The following GALNT17 variants were observed in gnomAD, a reference collection of about 807,000 sequenced individuals.
GALNT17 encodes polypeptide N-acetylgalactosaminyltransferase 17, also known as UDP-GalNAc:polypeptide N-acetylgalactosaminyltransferase-like 3.
In GALNT17, 29 loss-of-function variants were observed where a neutral mutation model predicts 63.7. The ratio of observed to expected loss-of-function variants is 0.46; its 90% CI spans 0.34 to 0.62. The LOEUF is 0.62. Among genes scored for constraint, GALNT17 ranks in the 20% least tolerant of loss-of-function variants. GALNT17 has a pLI of 0.01. For synonymous variants in GALNT17, 305 were observed against 318.3 expected (o/e 0.96, Z 0.45); for missense variants, 603 against 799.6 (o/e 0.75, Z 2.97).
intron 1 of GALNT17, among the ~76,000 whole-genome samples, chr7:71,297,206 G>A (rs2115854705): frequency 6.6e-6 from 1 of 152,236 alleles, no homozygotes; most frequent in South Asian, 2.1e-4. Flanking sequence ...TCTCATTCAT[G>A]CTCTCACCTA....
At chr7:71,172,170 A>G (rs576348952) in intron 1 of GALNT17, among the ~76,000 whole-genome samples, 4 of 152,168 alleles carry the variant, frequency 2.6e-5, no homozygotes, top group African/African-American at 4.8e-5. Context: ...TGTGTTCATC[A>G]TAACTATGGA....
At chr7:71,406,040 G>A (rs1283039712) in intron 3 of GALNT17, among the ~76,000 whole-genome samples, 1 of 152,114 alleles carries the variant, frequency 6.6e-6, no homozygotes, top group African/African-American at 2.4e-5. Context: ...CAAATGTTGT[G>A]GAATGTTACG....
intron 1 of GALNT17, among the ~76,000 whole-genome samples, chr7:71,186,800 C>T (rs1043378883): frequency 1.3e-5 from 2 of 152,224 alleles, no homozygotes; most frequent in Non-Finnish European, 2.9e-5. Context: ...TGGTCATGTA[C>T]ATCCAGACTG....
intron 3 of GALNT17, among the ~76,000 whole-genome samples, chr7:71,398,616 T>C (rs552625134): frequency 1.8e-4 from 27 of 152,330 alleles, no homozygotes; most frequent in African/African-American, 6.3e-4. Context: ...TTTCCTTAGA[T>C]ATCTGGTGAG....
intron 1 of GALNT17, among the ~76,000 whole-genome samples, chr7:71,254,977 T>C (rs2115579439): frequency 6.6e-6 from 1 of 152,342 alleles, no homozygotes; most frequent in South Asian, 2.1e-4. Flanking sequence ...CAAGAGAAGA[T>C]TTCATTCATT....
chr7:71,403,624 A>G (rs1253381127), intron 3 of GALNT17, among the ~76,000 whole-genome samples: 1 of 152,202 alleles, frequency 6.6e-6, no homozygotes, highest in Non-Finnish European at 1.5e-5. Flanking sequence ...TCGTTTGCGC[A>G]TAGGATTCAC....
intron 1 of GALNT17, among the ~76,000 whole-genome samples, chr7:71,263,396 C>T (rs909345825): frequency 6.6e-6 from 1 of 152,106 alleles, no homozygotes; most frequent in Non-Finnish European, 1.5e-5. Flanking sequence ...AATCTTGCAG[C>T]ACTTTGATCT....
rs192873064 is a variant in GALNT17, at chr7:71,323,297, G to T, written c.239-12253G>T. Among the ~76,000 whole-genome samples the T allele has an allele frequency of 3.2e-4, 49 of 152,282 alleles. No individual in the cohort carries two copies. The South Asian group carries it at 6.4e-3, about 20-fold the overall frequency. ...ACAAGGTGGTGGACTCTTTGTCCCT[G>T]GGAGAATACAGTATAAGCTGGGTCG... On this transcript the variant is annotated intron_variant, in intron 1 of 10. Transcript: ENST00000333538.
chr7:71,379,597 A>T (rs572147004), intron 2 of GALNT17, among the ~76,000 whole-genome samples: 61 of 152,278 alleles, frequency 4.0e-4, no homozygotes, highest in African/African-American at 1.4e-3. Flanking sequence ...TGAAAATGGC[A>T]GAATCTGCAG....
intron 6 of GALNT17, among the ~76,000 whole-genome samples, chr7:71,648,746 G>A (rs775976848): frequency 1.4e-4 from 21 of 152,194 alleles, no homozygotes; most frequent in Admixed American, 2.0e-4. Flanking sequence ...CCTCAGCTGC[G>A]TTTTATGGCT....
At chr7:71,592,853 A>C (rs1789830221) in intron 6 of GALNT17, among the ~76,000 whole-genome samples, 1 of 152,194 alleles carries the variant, frequency 6.6e-6, no homozygotes, top group Non-Finnish European at 1.5e-5. Flanking sequence ...GCTCTTACTT[A>C]AATCAGTTAG....
chr7:71,605,938 A>G (rs937516406), intron 6 of GALNT17, among the ~76,000 whole-genome samples: 2 of 152,018 alleles, frequency 1.3e-5, no homozygotes, highest in African/African-American at 4.8e-5. Context: ...AGGCTTACCC[A>G]TTTGGTTGAT....
At chr7:71,621,537 T>A (rs6460679) in intron 6 of GALNT17, among the ~76,000 whole-genome samples, 37 of 139,048 alleles carry the variant, frequency 2.7e-4, no homozygotes, top group African/African-American at 8.6e-4. Flanking sequence ...ATGGATGGAT[T>A]GATGGATTGA....
intron 5 of GALNT17, among the ~76,000 whole-genome samples, chr7:71,440,085 C>T (rs553505382): frequency 2.0e-5 from 3 of 151,890 alleles, no homozygotes; most frequent in Non-Finnish European, 2.9e-5. Flanking sequence ...TGCGCCACCA[C>T]GCCTGGCTAA....
intron 6 of GALNT17, among the ~76,000 whole-genome samples, chr7:71,625,895 T>C (rs1176841996): frequency 6.6e-6 from 1 of 151,932 alleles, no homozygotes; most frequent in African/African-American, 2.4e-5. Context: ...AAGAATGAAG[T>C]TAAAATAAGG....
At chr7:71,479,500 T>C (rs915086894) in intron 5 of GALNT17, among the ~76,000 whole-genome samples, 3 of 152,146 alleles carry the variant, frequency 2.0e-5, no homozygotes, top group African/African-American at 7.2e-5. Flanking sequence ...GCAAGATAAT[T>C]TGTGGGCAAT....
At chr7:71,255,840 C>A (rs1284961023) in intron 1 of GALNT17, among the ~76,000 whole-genome samples, 1 of 152,134 alleles carries the variant, frequency 6.6e-6, no homozygotes. Context: ...AAATAAAATT[C>A]TCAGTCCTCC....
At chr7:71,590,580 G>A (rs1789782894) in intron 6 of GALNT17, among the ~76,000 whole-genome samples, 1 of 152,196 alleles carries the variant, frequency 6.6e-6, no homozygotes. Flanking sequence ...CCTAGGAGAT[G>A]ACATCCTGAT....
chr7:71,484,769 A>C (rs1787881368), intron 5 of GALNT17, among the ~76,000 whole-genome samples: 1 of 147,350 alleles, frequency 6.8e-6, no homozygotes, highest in Admixed American at 6.8e-5. Context: ...TTGAACCCAG[A>C]CTGATACACT....
Sources: gnomAD v4.1 joint callset for allele counts (sites outside exome capture counted in the v4.1 genomes callset) on GRCh38, gnomAD v4.1.1 for gene constraint, MANE v1.5 for transcripts, NCBI Gene and HGNC (gene_info 2026-07-23, HGNC 2026-07-21) for gene names.